The following RBFOX1 variants were observed in gnomAD, a reference collection of about 807,000 sequenced individuals.
The protein encoded by RBFOX1 is RNA binding protein fox-1 homolog 1.
In RBFOX1, 8 loss-of-function variants were observed where a neutral mutation model predicts 57.7. That is an observed-to-expected ratio of 0.14 (90% CI 0.08 to 0.25). The LOEUF is 0.25. Among genes scored for constraint, RBFOX1 ranks in the 10% least tolerant of loss-of-function variants. The pLI, the probability that RBFOX1 is intolerant of heterozygous loss-of-function variation, is 1.00. For synonymous variants in RBFOX1, 326 were observed against 222.4 expected, an observed-to-expected ratio of 1.47 and a Z score of -4.15; for missense variants, 611 against 548.5, an observed-to-expected ratio of 1.11 and a Z score of -1.14.
At chr16:5,962,892 T>C (rs1464524322) in intron 4 of RBFOX1, among the ~76,000 whole-genome samples, 1 of 151,396 alleles carries the variant, frequency 6.6e-6, no homozygotes, top group Non-Finnish European at 1.5e-5. Context: ...TTTCCTTTTA[T>C]ATGATAGGGC....
At chr16:6,982,928 A>C (rs2089307695) in intron 3 of RBFOX1, among the ~76,000 whole-genome samples, 1 of 129,592 alleles carries the variant, frequency 7.7e-6, no homozygotes, top group African/African-American at 2.9e-5. Flanking sequence ...CAGGAGGTGG[A>C]GGTTGCAGTG....
intron 2 of RBFOX1, among the ~76,000 whole-genome samples, chr16:6,621,006 G>A (rs977122579): frequency 1.3e-5 from 2 of 152,316 alleles, no homozygotes; most frequent in South Asian, 2.1e-4. Flanking sequence ...CCTACTAGAG[G>A]CTTGGAAGGA....
chr16:7,210,277 C>T (rs991544288), intron 4 of RBFOX1, among the ~76,000 whole-genome samples: 1 of 152,114 alleles, frequency 6.6e-6, no homozygotes, highest in African/African-American at 2.4e-5. Flanking sequence ...CTAAGCAATT[C>T]AGAAATCCAT....
intron 1 of RBFOX1, among the ~76,000 whole-genome samples, chr16:6,204,519 G>C (rs541015712): frequency 5.3e-5 from 8 of 152,250 alleles, no homozygotes; most frequent in Admixed American, 2.0e-4. Flanking sequence ...CTGAATTATT[G>C]TTTAACAGAA....
chr16:6,186,256 A>C (rs1042549918), intron 1 of RBFOX1, among the ~76,000 whole-genome samples: 2 of 152,178 alleles, frequency 1.3e-5, no homozygotes, highest in Non-Finnish European at 2.9e-5. Flanking sequence ...TCATGAAGAA[A>C]TATACAACTG....
intron 3 of RBFOX1, among the ~76,000 whole-genome samples, chr16:6,805,947 C>G (rs2086669831): frequency 6.6e-6 from 1 of 152,110 alleles, no homozygotes. Context: ...CCATAGAATT[C>G]CAAAAGCCAA....
intron 2 of RBFOX1, among the ~76,000 whole-genome samples, chr16:6,529,288 C>G (rs1433371789): frequency 2.0e-5 from 3 of 152,106 alleles, no homozygotes; most frequent in African/African-American, 7.2e-5. Context: ...CCTGTCCAGG[C>G]ACGGTGGCTC....
At chr16:7,323,455 C>A (rs536247327) in intron 4 of RBFOX1, among the ~76,000 whole-genome samples, 1 of 152,258 alleles carries the variant, frequency 6.6e-6, no homozygotes, top group Non-Finnish European at 1.5e-5. Context: ...TCTAAAAACC[C>A]AGGCCACCAT....
At chr16:7,236,749 A>T (rs1342842303) in intron 4 of RBFOX1, among the ~76,000 whole-genome samples, 1 of 152,062 alleles carries the variant, frequency 6.6e-6, no homozygotes, top group Non-Finnish European at 1.5e-5. Flanking sequence ...AGTGGCCTGA[A>T]TTATTCAGCA....
intron 14 of RBFOX1, among the ~76,000 whole-genome samples, chr16:7,706,992 C>T (rs1479152843): frequency 6.6e-6 from 1 of 152,070 alleles, no homozygotes; most frequent in Non-Finnish European, 1.5e-5. Context: ...GATTAAAGGC[C>T]ATTTTTGATA....
At chr16:7,413,006 C>G (rs1244074296) in intron 4 of RBFOX1, among the ~76,000 whole-genome samples, 1 of 152,038 alleles carries the variant, frequency 6.6e-6, no homozygotes, top group African/African-American at 2.4e-5. Context: ...CACGCCACTG[C>G]ACTCCAGCCC....
At chr16:6,823,240 GTT>G (rs2091615152) in intron 3 of RBFOX1, among the ~76,000 whole-genome samples, 1 of 150,774 alleles carries the variant, frequency 6.6e-6, no homozygotes, top group African/African-American at 2.4e-5. Flanking sequence ...ATCTGAAATT[GTT>G]TTGTTTTCTT....
intron 4 of RBFOX1, among the ~76,000 whole-genome samples, chr16:7,267,258 G>A (rs1285761916): frequency 6.6e-6 from 1 of 152,072 alleles, no homozygotes; most frequent in Middle Eastern, 3.4e-3. Flanking sequence ...AATTTAGCTG[G>A]GCACGGTGGC....
chr16:7,546,185 G>A (rs1242173269), intron 5 of RBFOX1, among the ~76,000 whole-genome samples: 1 of 151,962 alleles, frequency 6.6e-6, no homozygotes, highest in Non-Finnish European at 1.5e-5. Context: ...AAATCAGCCA[G>A]GCATGGTGGC....
chr16:6,931,287 G>GTCTA (rs2076468081), intron 3 of RBFOX1, among the ~76,000 whole-genome samples: 2 of 112,720 alleles, frequency 1.8e-5, no homozygotes, highest in Non-Finnish European at 1.8e-5. Context: ...CTATCTGTCT[G>GTCTA]TCTGTCTGTC....
chr16:5,531,779 A>C (rs2044486837), intron 2 of RBFOX1, among the ~76,000 whole-genome samples: 1 of 151,222 alleles, frequency 6.6e-6, no homozygotes, highest in South Asian at 2.1e-4. Flanking sequence ...GATAGGTCAA[A>C]GGGACATGAC....
chr16:6,096,910 C>A (rs1333978569), intron 1 of RBFOX1, among the ~76,000 whole-genome samples: 1 of 152,192 alleles, frequency 6.6e-6, no homozygotes, highest in African/African-American at 2.4e-5. Context: ...ACTGAACCAC[C>A]TGTTGCATTT....
chr16:7,083,535 A>C (rs2059521398), intron 4 of RBFOX1, among the ~76,000 whole-genome samples: 1 of 152,084 alleles, frequency 6.6e-6, no homozygotes, highest in Non-Finnish European at 1.5e-5. Context: ...TACACCCCTC[A>C]CCGTGGATCA....
intron 4 of RBFOX1, among the ~76,000 whole-genome samples, chr16:7,191,423 A>T (rs73546573): frequency 3.3e-5 from 5 of 152,122 alleles, no homozygotes; most frequent in Non-Finnish European, 5.9e-5. Context: ...ATGTTGTACA[A>T]TTGTCCTCAT....
Sources: allele counts gnomAD v4.1 joint callset (sites outside exome capture counted in the v4.1 genomes callset), GRCh38; gene constraint gnomAD v4.1.1; transcripts MANE v1.5; gene names NCBI Gene and HGNC (gene_info 2026-07-23, HGNC 2026-07-21).